FOXP1: variants seen among roughly 807,000 people sequenced by gnomAD.
FOXP1 encodes forkhead box protein P1.
FOXP1 carries 15 observed loss-of-function variants against 98.2 expected under a neutral mutation model. That is an observed-to-expected ratio of 0.15 (90% CI 0.10 to 0.24). The LOEUF (loss-of-function observed/expected upper bound fraction) is 0.24, where lower values mean the gene tolerates loss of function less well. FOXP1 is among the 10% of genes least tolerant of loss of function. The pLI is 1.00. For synonymous variants in FOXP1, 371 were observed against 314.5 expected, an observed-to-expected ratio of 1.18 and a Z score of -1.90; for missense variants, 633 against 848.5, an observed-to-expected ratio of 0.75 and a Z score of 3.15.
At chr3:71,146,699 G>A (rs61651183) in intron 6 of FOXP1, among the ~76,000 whole-genome samples, 52,615 of 129,544 alleles carry the variant, frequency 0.41, 9,750 homozygotes, top group East Asian at 0.7. Context: ...AGTTTAAAAC[G>A]TGTAAAAATA....
chr3:71,387,367 A>C (rs540639135), intron 3 of FOXP1, among the ~76,000 whole-genome samples: 14 of 152,336 alleles, frequency 9.2e-5, no homozygotes, highest in African/African-American at 3.4e-4. Context: ...TTCCACCATT[A>C]GTTAGTAAAT....
intron 7 of FOXP1, among the ~76,000 whole-genome samples, chr3:71,056,757 T>G: frequency 6.6e-6 from 1 of 152,116 alleles, no homozygotes; most frequent in East Asian, 1.9e-4. Context: ...GAAAAGAGGT[T>G]ATGGAAAAGC....
intron 3 of FOXP1, among the ~76,000 whole-genome samples, chr3:71,484,865 T>C (rs2090538791): frequency 6.6e-6 from 1 of 152,184 alleles, no homozygotes; most frequent in African/African-American, 2.4e-5. Flanking sequence ...GGCCCTAAAT[T>C]CAGGTCTCCT....
chr3:71,331,491 C>T (rs900521262), intron 4 of FOXP1, among the ~76,000 whole-genome samples: 11 of 152,208 alleles, frequency 7.2e-5, no homozygotes, highest in Non-Finnish European at 1.2e-4. Context: ...GGGCGCACGG[C>T]GCGGGACTGG....
chr3:71,168,982 T>C (rs2061516240), intron 6 of FOXP1, among the ~76,000 whole-genome samples: 1 of 152,182 alleles, frequency 6.6e-6, no homozygotes, highest in Non-Finnish European at 1.5e-5. Flanking sequence ...TGAGCCCGCA[T>C]GGGAGGAGAG....
rs111962221 is a variant in FOXP1 at position 71,278,635 on chromosome 3, G to C, written c.-12+21185C>G. On this transcript the variant is annotated intron_variant, in intron 5 of 20. Coordinates refer to ENST00000649528, the MANE Select transcript of FOXP1 (RefSeq NM_001349338.3). The stretch of plus-strand genomic sequence containing the variant: ...ATCTCTACTACAAACACAAACATTA[G>C]CCAGGTATGGTGGTATGCACCTGTA... Among the ~76,000 whole-genome samples, 1,397 of 152,104 alleles carry C rather than the reference G, an allele frequency of 9.2e-3. 29 individuals are homozygous for C. The highest frequency in any genetic ancestry group is 0.032 in the African/African-American group (1,327 of 41,464).
At chr3:71,293,678 A>T (rs1325802743) in intron 5 of FOXP1, among the ~76,000 whole-genome samples, 1 of 152,160 alleles carries the variant, frequency 6.6e-6, no homozygotes, top group Non-Finnish European at 1.5e-5. Flanking sequence ...ATCAATATTT[A>T]AGAAATTTTT....
At chr3:71,278,840 C>T (rs12487457) in intron 5 of FOXP1, among the ~76,000 whole-genome samples, 8 of 151,688 alleles carry the variant, frequency 5.3e-5, no homozygotes, top group Non-Finnish European at 7.4e-5. Context: ...AATACCCAGC[C>T]GCGCCTTCAT....
chr3:71,265,787 T>C (rs986431432), intron 5 of FOXP1, among the ~76,000 whole-genome samples: 4 of 152,136 alleles, frequency 2.6e-5, no homozygotes, highest in Admixed American at 2.6e-4. Flanking sequence ...TGAAGGAAAC[T>C]GAGAACCAAG....
At chr3:71,290,381 G>A (rs1361411602) in intron 5 of FOXP1, among the ~76,000 whole-genome samples, 1 of 152,184 alleles carries the variant, frequency 6.6e-6, no homozygotes, top group African/African-American at 2.4e-5. Flanking sequence ...AATTTCACTA[G>A]GAAATCCTTT....
intron 4 of FOXP1, among the ~76,000 whole-genome samples, chr3:71,312,634 A>G (rs554279062): frequency 6.6e-6 from 1 of 152,368 alleles, no homozygotes; most frequent in South Asian, 2.1e-4. Context: ...GGCTGCAGTG[A>G]GCTAGCATGG....
intron 4 of FOXP1, among the ~76,000 whole-genome samples, chr3:71,325,052 G>C (rs2075605789): frequency 8.6e-6 from 1 of 116,530 alleles, no homozygotes; most frequent in African/African-American, 2.7e-5. Flanking sequence ...ATAATCCCTT[G>C]ATTTTTTTTT....
chr3:71,057,849 TCTGCTAGTATGGGC>T (rs1559836451), intron 7 of FOXP1, among the ~76,000 whole-genome samples: 1 of 152,066 alleles, frequency 6.6e-6, no homozygotes, highest in Non-Finnish European at 1.5e-5. Flanking sequence ...CCATCACAGC[TCTGCTAGTATGGGC>T]CTGCTGCTAC....
At chr3:71,386,611 C>T (rs1263181433) in intron 3 of FOXP1, among the ~76,000 whole-genome samples, 2 of 151,832 alleles carry the variant, frequency 1.3e-5, no homozygotes, top group Non-Finnish European at 2.9e-5. Context: ...GGCGTGGTAG[C>T]GCATGCCTGT....
intron 3 of FOXP1, among the ~76,000 whole-genome samples, chr3:71,369,528 G>A (rs889901817): frequency 7.9e-5 from 12 of 152,200 alleles, no homozygotes; most frequent in African/African-American, 2.9e-4. Flanking sequence ...CTAAGTAGCT[G>A]GGATTATAGG....
chr3:71,272,890 G>T (rs1208371877), intron 5 of FOXP1, among the ~76,000 whole-genome samples: 1 of 152,076 alleles, frequency 6.6e-6, no homozygotes, highest in Admixed American at 6.5e-5. Context: ...CTTATTTCTG[G>T]ACCTGGAGGC....
intron 4 of FOXP1, among the ~76,000 whole-genome samples, chr3:71,347,759 C>A (rs985546556): frequency 2.0e-5 from 3 of 152,010 alleles, no homozygotes; most frequent in Non-Finnish European, 4.4e-5. Flanking sequence ...GTGACCCATG[C>A]CTGTAATTCC....
intron 13 of FOXP1, among the ~76,000 whole-genome samples, chr3:70,993,644 A>G (rs1397286073): frequency 3.3e-5 from 5 of 152,258 alleles, no homozygotes; most frequent in Non-Finnish European, 7.3e-5. Flanking sequence ...GAAACATTAC[A>G]TTAAACACAC....
At chr3:71,476,299 CTT>C (rs764472343) in intron 3 of FOXP1, among the ~76,000 whole-genome samples, 1 of 144,768 alleles carries the variant, frequency 6.9e-6, no homozygotes. Flanking sequence ...TCATCAAGTT[CTT>C]TTTTTTTTTT....
Sources: allele counts gnomAD v4.1 joint callset (sites outside exome capture counted in the v4.1 genomes callset), GRCh38; gene constraint gnomAD v4.1.1; transcripts MANE v1.5; gene names NCBI Gene and HGNC (gene_info 2026-07-23, HGNC 2026-07-21).